The following ISL2 variants were observed in gnomAD, a reference collection of about 807,000 sequenced individuals.
The protein encoded by ISL2 is ISL LIM homeobox 2.
ISL2 carries 17 observed loss-of-function variants against 34.6 expected under a neutral mutation model. The ratio of observed to expected loss-of-function variants is 0.49; its 90% CI spans 0.34 to 0.74. ISL2 has a LOEUF of 0.74. ISL2 is among the 30% of genes least tolerant of loss of function. The pLI is 0.01. For missense variants in ISL2, 469 were observed against 515.2 expected (o/e 0.91, Z 0.87); for synonymous variants, 232 against 225.5 (o/e 1.03, Z -0.26).
Position 76,338,195 on chromosome 15 carries a change from G to A in ISL2, c.249-57G>A, listed in dbSNP as rs1349131724. The stretch of plus-strand genomic sequence containing the variant: ...GCGCGCGCCGGAGCCGTAGCAGCCA[G>A]GGAGATGAGGGCGGCCGCAGGCCCA... On this transcript the variant is annotated intron_variant, in intron 2 of 5. Coordinates refer to ENST00000290759, the MANE Select transcript of ISL2 (RefSeq NM_145805.3). 2.3e-5 allele frequency: 34 copies of A among 1,508,588 alleles called. No homozygotes were observed. In the East Asian group the frequency reaches 7.6e-4, roughly 34 times the overall value. 93.5% of individuals were successfully genotyped at this position (1,508,588 alleles called of 1,614,324 possible). A position where few individuals can be genotyped will look rare whatever the true frequency, so the allele number is the denominator to read the frequency against.
chr15:76,338,599 A>G (rs1253817967), intron 3 of ISL2, 85 bp downstream of exon 3: 30 of 1,251,244 alleles, frequency 2.4e-5, no homozygotes, highest in African/African-American at 3.1e-5. Flanking sequence ...CCTAACGAGA[A>G]GTTGTCAGTT....
rs759845505 is a variant in ISL2, at chr15:76,338,248, G to T, written c.249-4G>T. The T allele has an allele frequency of 1.9e-6, 3 of 1,553,956 alleles. No individual in the cohort carries two copies. In the South Asian group the frequency reaches 3.5e-5, roughly 18 times the overall value. On this transcript the variant is annotated splice_polypyrimidine_tract_variant and splice_region_variant and intron_variant, in intron 2 of 5. Transcript: ENST00000290759. ...GCTGACACCGCCGCACCTTGGGCCCGCAGGCTGTTCGGCATCAAGTGCGCC... is the reference window on the plus strand; with the variant it reads ...GCTGACACCGCCGCACCTTGGGCCCTCAGGCTGTTCGGCATCAAGTGCGCC...
rs539125227 is a variant in ISL2, at chr15:76,338,847, G to T, written c.511+333G>T. The T allele has an allele frequency of 8.8e-5, 87 of 985,394 alleles. No homozygotes were observed. In the South Asian group the frequency reaches 1.3e-3, roughly 14 times the overall value. 61.0% of individuals were successfully genotyped at this position (985,394 alleles called of 1,614,324 possible). On this transcript the variant is annotated intron_variant, in intron 3 of 5. Coordinates refer to ENST00000290759, the MANE Select transcript of ISL2 (RefSeq NM_145805.3). Reference sequence around the variant, plus strand: ...TTAAGTGGTGTCCGTCTTGGGGCTTGTATTAGGAATTTCTTGGAGGAATAT... The same window carrying T: ...TTAAGTGGTGTCCGTCTTGGGGCTTTTATTAGGAATTTCTTGGAGGAATAT...
rs1214119748 is a variant in ISL2, at chr15:76,336,917, G to C, written c.34G>C (p.Gly12Arg). ...TATTATTTTTCATTATCCTTTTCTG[G>C]GTGCTATGGGTGATCATTCCAAGAG... is the stretch of plus-strand genomic sequence containing the variant. ...VDIIFHYPFL[G>R]AMGDHSKKKP... Residue 12 changes from glycine (G) to arginine (R), a missense_variant, in exon 1 of 6, where the codon GGT becomes CGT. Transcript: ENST00000290759. The C allele has an allele frequency of 6.2e-7, 1 of 1,612,700 alleles. No homozygotes were observed. Among genetic ancestry groups the C allele is most frequent in the Admixed American group, 1.7e-5 (1 of 60,026 alleles).
chr15:76,341,668 C>A (rs760976977), intron 5 of ISL2, 51 bp from the exon 6 acceptor site: 1 of 1,346,830 alleles, frequency 7.4e-7, no homozygotes, highest in Admixed American at 1.7e-5. Flanking sequence ...CCTGGAGCAC[C>A]AGCTCGCGTG....
At chr15:76,341,556 C>T (rs938099626) in intron 5 of ISL2, among the ~76,000 whole-genome samples, 163 bp from the exon 6 acceptor site, 2 of 151,794 alleles carry the variant, frequency 1.3e-5, no homozygotes, top group Admixed American at 1.3e-4. Context: ...CCGCCCTAAT[C>T]CCCCCCTCGT....
In ISL2 at chr15:76,340,536, C is replaced by G. The variant is rs1363771026; in HGVS notation, c.772C>G (p.Gln258Glu). The change falls in exon 4 of 6, where the codon CAG becomes GAG. Residue 258 changes from glutamine (Q) to glutamate (E), a missense_variant. Physicochemically the swap from Gln to Glu is conservative, Grantham distance 29. Transcript: ENST00000290759. Reference sequence around the variant, plus strand: ...ATCCATTCTCATGAAGCAGCTGCAGCAGCAGCAGCACAGCGACAAGACGGT... The same window carrying G: ...ATCCATTCTCATGAAGCAGCTGCAGGAGCAGCAGCACAGCGACAAGACGGT... ...KKSILMKQLQ[Q>E]QQHSDKTSLQ... The G allele has an allele frequency of 3.1e-6, 5 of 1,610,238 alleles. No homozygotes were observed. The Admixed American group carries it at 6.7e-5, about 21-fold the overall frequency.
intron 3 of ISL2, chr15:76,339,842 G>A: frequency 9.9e-7 from 1 of 1,006,366 alleles, no homozygotes; most frequent in South Asian, 4.3e-5. Context: ...CCCCTGGGCA[G>A]CGCCTCGCCC....
chr15:76,339,626 A>G, intron 3 of ISL2: 1 of 985,616 alleles, frequency 1.0e-6, no homozygotes, highest in Non-Finnish European at 1.2e-6. Flanking sequence ...GTGGGAGGCC[A>G]CTGGGCTGGG....
chr15:76,339,057 A>G (rs2040173514), intron 3 of ISL2: 1 of 985,100 alleles, frequency 1.0e-6, no homozygotes, highest in Admixed American at 6.2e-5. Flanking sequence ...GGGGAGGGGG[A>G]GTATCAATGC....
At chr15:76,339,595 G>A (rs1207770635) in intron 3 of ISL2, 5 of 985,586 alleles carry the variant, frequency 5.1e-6, no homozygotes, top group East Asian at 1.1e-4. Context: ...GAGTGCCAGC[G>A]GCTGCTCAGC....
Position 76,341,145 on chromosome 15 carries a change from A to G in ISL2, c.807A>G (p.Gly269=), listed in dbSNP as rs372503511. The change falls in exon 5 of 6, where the codon GGA becomes GGG. Residue 269 remains glycine (G), a synonymous_variant. Transcript: ENST00000290759. ...TGCTTGCCCCGCAGAGCCTTCAGGGACTGACTGGGACGCCCCTGGTGGCGG... is the reference window on the plus strand; with the variant it reads ...TGCTTGCCCCGCAGAGCCTTCAGGGGCTGACTGGGACGCCCCTGGTGGCGG... ...QQHSDKTSLQ[G]LTGTPLVAGS... is the part of the protein sequence containing the mutation. 12 of 1,606,628 alleles carry G rather than the reference A, an allele frequency of 7.5e-6. No individual in the cohort carries two copies. Among genetic ancestry groups the G allele is most frequent in the Non-Finnish European group, 9.3e-6 (11 of 1,176,774 alleles).
chr15:76,340,343 C>T lies in ISL2; in HGVS notation c.579C>T (p.Arg193=), dbSNP rs541451867. The T allele has an allele frequency of 8.9e-5, 143 of 1,612,750 alleles. 3 individuals are homozygous for T. The South Asian group carries it at 1.5e-3, about 16-fold the overall frequency. ...ACAAGCAGACGGAGAAGACGACCCG[C>T]GTGCGGACTGTGCTGAACGAGAAGC... ...HVHKQTEKTT[R]VRTVLNEKQL... The change falls in exon 4 of 6, where the codon CGC becomes CGT. Residue 193 remains arginine (R), a synonymous_variant. Coordinates refer to ENST00000290759, the MANE Select transcript of ISL2 (RefSeq NM_145805.3).
In ISL2 at chr15:76,337,774, G is replaced by A. The variant is rs977366035; in HGVS notation, c.59-4G>A. On this transcript the variant is annotated splice_polypyrimidine_tract_variant and splice_region_variant and intron_variant, in intron 1 of 5. Transcript: ENST00000290759. ...TGACGCGGCCCCGCGCCCTTCCCCG[G>A]CAGAGAAGCCCGGGACGGCCATGTG... 1.3e-6 allele frequency: 2 copies of A among 1,581,364 alleles called. No homozygotes were observed. Among genetic ancestry groups the A allele is most frequent in the Non-Finnish European group, 1.7e-6 (2 of 1,160,682 alleles).
intron 1 of ISL2, chr15:76,337,492 GT>G: frequency 2.3e-6 from 1 of 433,900 alleles, no homozygotes; most frequent in South Asian, 4.4e-5. Flanking sequence ...TTAGTTTCGT[GT>G]TTGCGTTTAG....
chr15:76,338,946 C>G (rs1395801293), intron 3 of ISL2: 1 of 985,288 alleles, frequency 1.0e-6, no homozygotes, highest in Non-Finnish European at 1.2e-6. Context: ...GGGAGCTGGG[C>G]AGGAGCTTGG....
chr15:76,340,024 C>T, intron 3 of ISL2: 1 of 1,311,640 alleles, frequency 7.6e-7, no homozygotes, highest in Non-Finnish European at 9.7e-7. Flanking sequence ...TCGCCGAGCT[C>T]CCGCGCCCTG....
chr15:76,341,219 T>C lies in ISL2; in HGVS notation c.881T>C (p.Val294Ala), dbSNP rs775762539. The change falls in exon 5 of 6, where the codon GTG becomes GCG. Residue 294 changes from valine to alanine, a missense_variant. By Grantham distance (64) the Val-to-Ala change is moderately conservative. Transcript: ENST00000290759. ...ENAVQGSAVE[V>A]QTYQPPWKAL... is the part of the protein sequence containing the mutation. ...GCCGTGCAGGGCAGCGCAGTGGAGG[T>C]GCAGACGTACCAGCCGCCGTGGAAG... The C allele has an allele frequency of 1.2e-4, 199 of 1,611,834 alleles. No individual in the cohort carries two copies. The highest frequency in any genetic ancestry group is 1.6e-4 in the Non-Finnish European group (190 of 1,179,582).
At position 76,338,234 on chromosome 15, in the gene ISL2, C is replaced by G. The variant is rs760599415; in HGVS notation, c.249-18C>G. 8.4e-6 allele frequency: 13 copies of G among 1,539,094 alleles called. No homozygotes were observed. In the Admixed American group the frequency reaches 1.1e-4, roughly 13 times the overall value. On this transcript the variant is annotated intron_variant, in intron 2 of 5. Coordinates refer to ENST00000290759, the MANE Select transcript of ISL2 (RefSeq NM_145805.3). ...GCCGCAGGCCCAGCGCTGACACCGCCGCACCTTGGGCCCGCAGGCTGTTCG... is the reference window on the plus strand; with the variant it reads ...GCCGCAGGCCCAGCGCTGACACCGCGGCACCTTGGGCCCGCAGGCTGTTCG...
Sources: allele counts gnomAD v4.1 joint callset (sites outside exome capture counted in the v4.1 genomes callset), GRCh38; gene constraint gnomAD v4.1.1; transcripts MANE v1.5; gene names NCBI Gene and HGNC (gene_info 2026-07-23, HGNC 2026-07-21).